The following EWSR1 variants were observed in gnomAD, a reference collection of about 807,000 sequenced individuals.
EWSR1 encodes RNA-binding protein EWS.
In EWSR1, 14 loss-of-function variants were observed where a neutral mutation model predicts 92.1. That is an observed-to-expected ratio of 0.15 (90% CI 0.10 to 0.24). EWSR1 has a LOEUF of 0.24. Ranked by LOEUF, EWSR1 falls within the 10% of genes least tolerant of loss-of-function variation. The pLI is 1.00. For synonymous variants in EWSR1, 303 were observed against 292.9 expected (o/e 1.03, Z -0.35); for missense variants, 637 against 870.9 (o/e 0.73, Z 3.38).
chr22:29,284,126 G>T (rs1188605754), intron 6 of EWSR1, among the ~76,000 whole-genome samples: 4 of 151,054 alleles, frequency 2.6e-5, no homozygotes, highest in South Asian at 2.1e-4. Context: ...GAGCCACTGC[G>T]CCTGGCCCAG....
At chr22:29,276,850 C>G in intron 4 of EWSR1, 1 of 230,900 alleles carries the variant, frequency 4.3e-6, no homozygotes, top group Non-Finnish European at 8.6e-6. Flanking sequence ...CGAGGTCTCA[C>G]TATATTGCCC....
intron 1 of EWSR1, among the ~76,000 whole-genome samples, chr22:29,268,954 C>T (rs1443731230): frequency 6.6e-6 from 1 of 152,246 alleles, no homozygotes. Flanking sequence ...AGCCGAACTT[C>T]TGCTCGCCTG....
chr22:29,272,361 G>A lies in EWSR1; in HGVS notation c.51-19G>A, dbSNP rs778627427. 3.1e-6 allele frequency: 5 copies of A among 1,613,870 alleles called. No individual in the cohort carries two copies. In the African/African-American group the frequency reaches 6.7e-5, roughly 22 times the overall value. Reference sequence around the variant, plus strand: ...TTGAATGTTCTCTATTCAAGTTATTGCATTTAATTCTTTTGCAGCTACAGT... The same window carrying A: ...TTGAATGTTCTCTATTCAAGTTATTACATTTAATTCTTTTGCAGCTACAGT... On this transcript the variant is annotated intron_variant, in intron 2 of 16. Transcript: ENST00000397938.
intron 1 of EWSR1, among the ~76,000 whole-genome samples, chr22:29,271,213 T>G (rs761196884): frequency 2.6e-5 from 4 of 152,186 alleles, no homozygotes; most frequent in African/African-American, 9.7e-5. Flanking sequence ...GAACAAGATA[T>G]GTGTTCTTGT....
chr22:29,269,720 A>G (rs945078409), intron 1 of EWSR1: 1 of 152,162 alleles, frequency 6.6e-6, no homozygotes, highest in Non-Finnish European at 1.5e-5. Flanking sequence ...GAGTGCCGGT[A>G]GAAGAGAGGA....
At chr22:29,283,188 TAGATGTA>T (rs1189403815) in intron 6 of EWSR1, among the ~76,000 whole-genome samples, 15 of 152,336 alleles carry the variant, frequency 9.8e-5, no homozygotes, top group African/African-American at 3.6e-4. Context: ...AGCATGTAAA[TAGATGTA>T]AGAGCCATCT....
intron 6 of EWSR1, among the ~76,000 whole-genome samples, chr22:29,283,369 T>G (rs2059763734): frequency 6.6e-6 from 1 of 152,132 alleles, no homozygotes; most frequent in Non-Finnish European, 1.5e-5. Flanking sequence ...CAAGTTTTCT[T>G]TTTTGAGACA....
intron 1 of EWSR1, among the ~76,000 whole-genome samples, chr22:29,270,266 A>G (rs571593739): frequency 1.3e-5 from 2 of 152,318 alleles, no homozygotes; most frequent in East Asian, 3.9e-4. Flanking sequence ...CGTAAAGCAT[A>G]TATATCCAGT....
intron 4 of EWSR1, chr22:29,277,214 C>T (rs1445795250): frequency 8.9e-6 from 2 of 225,856 alleles, no homozygotes; most frequent in East Asian, 1.3e-4. Context: ...AGGAGAGACT[C>T]TAGGGTTTAC....
chr22:29,295,187 C>T (rs2060758994), intron 11 of EWSR1, among the ~76,000 whole-genome samples: 1 of 151,916 alleles, frequency 6.6e-6, no homozygotes, highest in East Asian at 1.9e-4. Flanking sequence ...TCTTGAGTAG[C>T]TGGGAGTACA....
At chr22:29,295,421 A>G in intron 11 of EWSR1, 2 of 210,714 alleles carry the variant, frequency 9.5e-6, no homozygotes, top group Non-Finnish European at 9.6e-6. Context: ...TGAGCCCAGG[A>G]GTTTGAGACC....
intron 5 of EWSR1, among the ~76,000 whole-genome samples, chr22:29,280,079 G>A (rs2059443074): frequency 6.6e-6 from 1 of 152,126 alleles, no homozygotes; most frequent in Non-Finnish European, 1.5e-5. Context: ...TTCTGGGTTG[G>A]TTGGTTGGTT....
At chr22:29,268,450 C>T (rs1003460540) in intron 1 of EWSR1, 101 bp downstream of exon 1, 3 of 1,603,760 alleles carry the variant, frequency 1.9e-6, no homozygotes, top group Middle Eastern at 1.7e-4. Flanking sequence ...GTGGAGTTGC[C>T]GAGAGGGGGT....
chr22:29,292,399 A>G lies in EWSR1; in HGVS notation c.1046-89A>G. 3.0e-6 allele frequency: 3 copies of G among 992,484 alleles called. No homozygotes were observed. The South Asian group carries it at 4.3e-5, about 14-fold the overall frequency. The allele number at this position is 992,484 out of a possible 1,614,324, so 61.5% of individuals were successfully genotyped here. Reference sequence around the variant, plus strand: ...GCTTGGTAGTTTTCTTAGATTTATGATGAATATCCTTGGGCAGTAGTGATC... The same window carrying G: ...GCTTGGTAGTTTTCTTAGATTTATGGTGAATATCCTTGGGCAGTAGTGATC... On this transcript the variant is annotated intron_variant, in intron 10 of 16. Coordinates refer to ENST00000397938, the MANE Select transcript of EWSR1 (RefSeq NM_005243.4).
chr22:29,273,414 G>T (rs1030561835), intron 3 of EWSR1, among the ~76,000 whole-genome samples: 1 of 152,156 alleles, frequency 6.6e-6, no homozygotes, highest in Non-Finnish European at 1.5e-5. Context: ...CTCTTCCCTT[G>T]AGAGTGTCTT....
intron 3 of EWSR1, among the ~76,000 whole-genome samples, chr22:29,273,459 T>C (rs985840560): frequency 4.6e-5 from 7 of 152,104 alleles, no homozygotes; most frequent in African/African-American, 1.7e-4. Context: ...AGGTTTTGCC[T>C]GATTATCTTT....
chr22:29,293,277 TG>T (rs1172053975), intron 11 of EWSR1, among the ~76,000 whole-genome samples: 1 of 152,208 alleles, frequency 6.6e-6, no homozygotes, highest in East Asian at 1.9e-4. Flanking sequence ...CCCAAATTGC[TG>T]GGATTACAAG....
intron 12 of EWSR1, 148 bp downstream of exon 12, chr22:29,296,516 A>C (rs2060874156): frequency 3.7e-6 from 3 of 802,176 alleles, no homozygotes; most frequent in Non-Finnish European, 5.8e-6. Flanking sequence ...AGTAGCACCC[A>C]GCCATTGACC....
Position 29,273,842 on chromosome 22 carries a change from T to A in EWSR1, c.204T>A (p.Thr68=). 1 of 1,614,040 alleles carries A rather than the reference T, an allele frequency of 6.2e-7. No homozygotes were observed. The highest frequency in any genetic ancestry group is 8.5e-7 in the Non-Finnish European group (1 of 1,179,926). The change falls in exon 4 of 17, where the codon ACT becomes ACA. Residue 68 remains threonine, a synonymous_variant. Coordinates refer to ENST00000397938, the MANE Select transcript of EWSR1 (RefSeq NM_005243.4). ...TATYGQTAYA[T]SYGQPPTGYT... The stretch of plus-strand genomic sequence containing the variant: ...CCTATGGGCAGACCGCCTATGCAAC[T>A]TCTTATGGACAGCCTCCCACTGGTA...
Sources: gnomAD v4.1 joint callset for allele counts (sites outside exome capture counted in the v4.1 genomes callset) on GRCh38, gnomAD v4.1.1 for gene constraint, MANE v1.5 for transcripts, NCBI Gene and HGNC (gene_info 2026-07-23, HGNC 2026-07-21) for gene names.